MECOM: variants seen among roughly 807,000 people sequenced by gnomAD.
MECOM encodes MDS1 and EVI1 complex locus.
Under a neutral mutation model 116.3 loss-of-function variants are expected in MECOM, and 13 were observed. That is an observed-to-expected ratio of 0.11 (90% CI 0.07 to 0.18). MECOM has a LOEUF of 0.18. Ranked by LOEUF, MECOM falls within the 10% of genes least tolerant of loss-of-function variation. The probability of loss-of-function intolerance (pLI) is 1.00; values close to 1 mark genes in which losing one functional copy is unlikely to be tolerated. For synonymous variants in MECOM, 528 were observed against 535.2 expected (o/e 0.99, Z 0.19); for missense variants, 1,299 against 1,509.0 (o/e 0.86, Z 2.31).
At chr3:169,357,635 C>G (rs1727491695) in intron 2 of MECOM, among the ~76,000 whole-genome samples, 3 of 151,690 alleles carry the variant, frequency 2.0e-5, no homozygotes, top group South Asian at 4.1e-4. Context: ...CCACCTGCAT[C>G]CTCAAAAAAA....
At chr3:169,488,035 T>C (rs983681084) in intron 1 of MECOM, among the ~76,000 whole-genome samples, 6 of 152,124 alleles carry the variant, frequency 3.9e-5, no homozygotes, top group Non-Finnish European at 8.8e-5. Context: ...CTGGAATTTA[T>C]AGTTTAACTT....
chr3:169,268,429 C>T (rs902074914), intron 2 of MECOM, among the ~76,000 whole-genome samples: 2 of 152,154 alleles, frequency 1.3e-5, no homozygotes, highest in African/African-American at 4.8e-5. Flanking sequence ...GAGAACTGTT[C>T]TTTAGCAGTC....
intron 1 of MECOM, among the ~76,000 whole-genome samples, chr3:169,653,260 A>G (rs1209562699): frequency 1.3e-5 from 2 of 152,206 alleles, no homozygotes; most frequent in Non-Finnish European, 2.9e-5. Context: ...CCCATTGCTA[A>G]CCACCATCAC....
chr3:169,482,328 C>CTTTTTTTTTTTTTCT lies in MECOM; in HGVS notation c.38-100805_38-100804insAGAAAAAAAAAAAAA, dbSNP rs1751421214. On this transcript the variant is annotated intron_variant, in intron 1 of 16. Transcript: ENST00000651503. ...GTTACAGGGGAGCTTAACCCACGTT[C>CTTTTTTTTTTTTTCT]TTTTTTTTTTTTTTTTTTTTTGAGA... Among the ~76,000 whole-genome samples the CTTTTTTTTTTTTTCT allele has an allele frequency of 3.0e-4, 33 of 108,368 alleles. No homozygotes were observed. The East Asian group carries it at 5.2e-3, about 17-fold the overall frequency. 71.1% of individuals were successfully genotyped at this position (108,368 alleles called of 152,430 possible).
chr3:169,603,211 G>A (rs1399054178), intron 1 of MECOM, among the ~76,000 whole-genome samples: 3 of 152,262 alleles, frequency 2.0e-5, no homozygotes, highest in Admixed American at 6.5e-5. Context: ...CTGACCCTGC[G>A]TAGGCCTAGG....
chr3:169,193,727 A>T (rs1248485792), intron 2 of MECOM, among the ~76,000 whole-genome samples: 2 of 152,026 alleles, frequency 1.3e-5, no homozygotes, highest in Admixed American at 6.6e-5. Flanking sequence ...GAATTTTTGG[A>T]ATGTTAATCA....
At chr3:169,445,406 C>T (rs991309990) in intron 1 of MECOM, among the ~76,000 whole-genome samples, 5 of 152,172 alleles carry the variant, frequency 3.3e-5, no homozygotes, top group African/African-American at 1.2e-4. Context: ...GTGGAAGCCC[C>T]AAATCTTGGC....
intron 1 of MECOM, among the ~76,000 whole-genome samples, chr3:169,593,851 G>A (rs1345576778): frequency 1.3e-5 from 2 of 152,132 alleles, no homozygotes; most frequent in South Asian, 2.1e-4. Flanking sequence ...AGGCACAGTG[G>A]CTCACACCTG....
chr3:169,245,481 A>G (rs966017596), intron 2 of MECOM, among the ~76,000 whole-genome samples: 3 of 152,240 alleles, frequency 2.0e-5, no homozygotes, highest in African/African-American at 4.8e-5. Context: ...CTAGTGTGCT[A>G]GCAAAGTACT....
chr3:169,398,561 G>A (rs1186007918), intron 1 of MECOM, among the ~76,000 whole-genome samples: 4 of 152,120 alleles, frequency 2.6e-5, no homozygotes, highest in African/African-American at 9.7e-5. Context: ...AAGTTCTTTT[G>A]TGACTGGTCA....
At chr3:169,601,390 A>G (rs1476370396) in intron 1 of MECOM, among the ~76,000 whole-genome samples, 1 of 152,222 alleles carries the variant, frequency 6.6e-6, no homozygotes, top group Non-Finnish European at 1.5e-5. Flanking sequence ...GGGTTTATAA[A>G]AGAGGAAGGC....
intron 2 of MECOM, among the ~76,000 whole-genome samples, chr3:169,308,903 T>C (rs1210489936): frequency 3.3e-5 from 5 of 152,112 alleles, no homozygotes; most frequent in Non-Finnish European, 5.9e-5. Context: ...CATTTCCCTT[T>C]CAGATATCAA....
At chr3:169,550,012 T>C (rs543098921) in intron 1 of MECOM, among the ~76,000 whole-genome samples, 2 of 151,948 alleles carry the variant, frequency 1.3e-5, no homozygotes, top group African/African-American at 2.4e-5. Flanking sequence ...TCCATACGGA[T>C]TGGAAAGATA....
intron 1 of MECOM, among the ~76,000 whole-genome samples, chr3:169,637,061 C>T (rs114221014): frequency 0.015 from 2,298 of 152,278 alleles, 53 homozygotes; most frequent in East Asian, 0.072. Flanking sequence ...CACAGCATGA[C>T]TCCAATGTTA....
intron 10 of MECOM, among the ~76,000 whole-genome samples, chr3:169,102,988 A>C (rs889417395): frequency 3.3e-5 from 5 of 151,664 alleles, no homozygotes; most frequent in Non-Finnish European, 7.4e-5. Flanking sequence ...TTCTTGAAAG[A>C]AAACTATCCC....
chr3:169,662,651 C>T (rs1044728218), intron 1 of MECOM, among the ~76,000 whole-genome samples: 2 of 151,198 alleles, frequency 1.3e-5, no homozygotes, highest in African/African-American at 2.4e-5. Context: ...CGCGCAGCGC[C>T]GCGCCGGAGA....
At position 169,472,633 on chromosome 3, in the gene MECOM, AAAAGG is replaced by A. The variant is rs1293944139; in HGVS notation, c.38-91114_38-91110del. On this transcript the variant is annotated intron_variant, in intron 1 of 16. Transcript: ENST00000651503. Reference sequence around the variant, plus strand: ...GAAAGGAAAGAAAAGAAAAGAAAAGAAAAGGAAAGGAAAGGAAAAGAAAAGAAAGG... The same window carrying A: ...GAAAGGAAAGAAAAGAAAAGAAAAGAAAAGGAAAGGAAAAGAAAAGAAAGG... Among the ~76,000 whole-genome samples the A allele has an allele frequency of 8.1e-4, 49 of 60,322 alleles. 5 individuals carry two copies. Among genetic ancestry groups the A allele is most frequent in the East Asian group, 5.4e-3 (12 of 2,216 alleles). The allele number at this position is 60,322 out of a possible 152,430, so 39.6% of individuals were successfully genotyped here.
At chr3:169,247,677 C>A (rs1426648490) in intron 2 of MECOM, among the ~76,000 whole-genome samples, 1 of 152,188 alleles carries the variant, frequency 6.6e-6, no homozygotes, top group Non-Finnish European at 1.5e-5. Flanking sequence ...TTTCTTGAAA[C>A]AATTTCTAAA....
intron 1 of MECOM, among the ~76,000 whole-genome samples, chr3:169,485,944 T>TATATATA (rs1491555135): frequency 0.49 from 49,296 of 100,650 alleles, 12,065 homozygotes; most frequent in East Asian, 0.62. Flanking sequence ...TATATATGTA[T>TATATATA]GTATATATGT....
Sources: gnomAD v4.1 joint callset for allele counts (sites outside exome capture counted in the v4.1 genomes callset) on GRCh38, gnomAD v4.1.1 for gene constraint, MANE v1.5 for transcripts, NCBI Gene and HGNC (gene_info 2026-07-23, HGNC 2026-07-21) for gene names.